The following RNF220 variants were observed in gnomAD, a reference collection of about 807,000 sequenced individuals.
RNF220 encodes the protein ring finger protein 220, also known as E3 ubiquitin-protein ligase RNF220.
In RNF220, 7 loss-of-function variants were observed where a neutral mutation model predicts 67.1. The ratio of observed to expected loss-of-function variants is 0.10; its 90% CI spans 0.06 to 0.20. RNF220 has a LOEUF of 0.20. RNF220 is among the 10% of genes least tolerant of loss of function. RNF220 has a pLI of 1.00. For synonymous variants in RNF220, 270 were observed against 283.2 expected, an observed-to-expected ratio of 0.95 and a Z score of 0.47; for missense variants, 565 against 740.3, an observed-to-expected ratio of 0.76 and a Z score of 2.75.
At chr1:44,550,637 A>C (rs1341940711) in intron 2 of RNF220, among the ~76,000 whole-genome samples, 1 of 152,136 alleles carries the variant, frequency 6.6e-6, no homozygotes, top group Admixed American at 6.5e-5. Flanking sequence ...ATACAAAATC[A>C]TGGCAGCTCA....
chr1:44,528,044 A>G (rs899860307), intron 2 of RNF220, among the ~76,000 whole-genome samples: 2 of 151,978 alleles, frequency 1.3e-5, no homozygotes, highest in African/African-American at 4.8e-5. Flanking sequence ...CTAAATTACT[A>G]TACAACAACA....
Position 44,405,333 on chromosome 1 carries a change from C to A in RNF220, c.-315C>A. On this transcript the variant is annotated 5_prime_UTR_variant, in exon 1 of 15. Transcript: ENST00000361799. ...AACTGAGTCTCTTGATCTGTACATG[C>A]AATCCCAGGCAGCTCGCGAACACAA... 1 of 561,002 alleles carries A rather than the reference C, an allele frequency of 1.8e-6. No individual in the cohort carries two copies. 34.8% of individuals were successfully genotyped at this position (561,002 alleles called of 1,614,324 possible).
At chr1:44,566,209 C>A (rs1223325581) in intron 2 of RNF220, among the ~76,000 whole-genome samples, 1 of 152,180 alleles carries the variant, frequency 6.6e-6, no homozygotes, top group East Asian at 1.9e-4. Flanking sequence ...GAGTGCAGCG[C>A]CCAGCCCAGC....
At chr1:44,485,955 G>A (rs1300580878) in intron 2 of RNF220, among the ~76,000 whole-genome samples, 2 of 152,210 alleles carry the variant, frequency 1.3e-5, no homozygotes, top group Non-Finnish European at 2.9e-5. Flanking sequence ...GTCAGGACTG[G>A]CAATGAAGAA....
intron 2 of RNF220, among the ~76,000 whole-genome samples, chr1:44,460,738 G>T (rs1042973296): frequency 5.9e-5 from 9 of 152,228 alleles, no homozygotes; most frequent in Admixed American, 2.6e-4. Context: ...CCCAGCTAAA[G>T]AGGCCGTGCT....
At chr1:44,608,375 G>T (rs1667433887) in intron 2 of RNF220, among the ~76,000 whole-genome samples, 1 of 152,222 alleles carries the variant, frequency 6.6e-6, no homozygotes, top group South Asian at 2.1e-4. Flanking sequence ...TGGGCATCCA[G>T]TAAACATCTG....
chr1:44,492,935 T>A lies in RNF220; in HGVS notation c.625+80213T>A, dbSNP rs79324604. Reference sequence around the variant, plus strand: ...CCAAAATCTGAATTTTTTTTTTTTTTTATATATGGATGAGGTCTCATTATG... The same window carrying A: ...CCAAAATCTGAATTTTTTTTTTTTTATATATATGGATGAGGTCTCATTATG... On this transcript the variant is annotated intron_variant, in intron 2 of 14. Coordinates refer to ENST00000361799, the MANE Select transcript of RNF220 (RefSeq NM_018150.4). Among the ~76,000 whole-genome samples the A allele has an allele frequency of 9.0e-3, 1,370 of 152,060 alleles. 9 individuals are homozygous for A. Among genetic ancestry groups the A allele is most frequent in the Non-Finnish European group, 0.013 (877 of 67,972 alleles).
rs902945631 is a variant in RNF220, at chr1:44,577,028, A to G, written c.626-37137A>G. Among the ~76,000 whole-genome samples the G allele has an allele frequency of 3.3e-5, 5 of 152,308 alleles. No individual in the cohort carries two copies. The East Asian group carries it at 9.6e-4, about 29-fold the overall frequency. ...ATTTGCCAAGTATATATAGAGGTAT[A>G]TCCAAGGTCTTGTTAGAACACAGAG... On this transcript the variant is annotated intron_variant, in intron 2 of 14. Transcript: ENST00000361799.
upstream of RNF220, among the ~76,000 whole-genome samples, chr1:44,404,820 A>G (rs945985302): frequency 6.6e-6 from 1 of 152,126 alleles, no homozygotes; most frequent in Non-Finnish European, 1.5e-5. Flanking sequence ...GCAGCAGGTA[A>G]GATTTTTCTG....
At chr1:44,597,468 GCACACACACACACACACACACA>G (rs56375404) in intron 2 of RNF220, among the ~76,000 whole-genome samples, 8 of 135,650 alleles carry the variant, frequency 5.9e-5, no homozygotes, top group Non-Finnish European at 1.3e-4. Context: ...TCTCTCTCAT[GCACACACACACACACACACACA>G]CACACACACA....
At chr1:44,636,267 C>G (rs778261666) in intron 8 of RNF220, 105 bp downstream of exon 8, 1 of 1,461,834 alleles carries the variant, frequency 6.8e-7, no homozygotes, top group Non-Finnish European at 9.5e-7. Flanking sequence ...GGTCATCCAT[C>G]CGTTCCACCA....
intron 2 of RNF220, among the ~76,000 whole-genome samples, chr1:44,469,867 A>G (rs1257395484): frequency 6.6e-6 from 1 of 152,246 alleles, no homozygotes; most frequent in Non-Finnish European, 1.5e-5. Context: ...AGGTTGAAAA[A>G]GACTGAAAAT....
intron 2 of RNF220, among the ~76,000 whole-genome samples, chr1:44,502,159 A>T (rs1663797): frequency 0.045 from 1,681 of 37,758 alleles, 31 homozygotes; most frequent in African/African-American, 0.097. Flanking sequence ...TCTCTCTCTC[A>T]CACACACACA....
At chr1:44,525,447 C>CA (rs1660295403) in intron 2 of RNF220, among the ~76,000 whole-genome samples, 1 of 152,218 alleles carries the variant, frequency 6.6e-6, no homozygotes. Flanking sequence ...CAAACACACA[C>CA]AAAAAATAAC....
At chr1:44,554,781 C>T (rs886885015) in intron 2 of RNF220, among the ~76,000 whole-genome samples, 1 of 152,106 alleles carries the variant, frequency 6.6e-6, no homozygotes, top group Non-Finnish European at 1.5e-5. Flanking sequence ...AACGGCCCTC[C>T]CAGCTCACCT....
intron 2 of RNF220, among the ~76,000 whole-genome samples, chr1:44,416,052 C>T (rs1470294263): frequency 6.6e-6 from 1 of 152,194 alleles, no homozygotes; most frequent in Non-Finnish European, 1.5e-5. Flanking sequence ...GGTTTGCTTG[C>T]CTGTCCATCC....
chr1:44,632,400 G>GCCCCC lies in RNF220; in HGVS notation c.949+19_949+20insCCCCC. 1.9e-6 allele frequency: 3 copies of GCCCCC among 1,607,438 alleles called. No homozygotes were observed. The highest frequency in any genetic ancestry group is 1.4e-5 in the African/African-American group (1 of 74,050). On this transcript the variant is annotated intron_variant, in intron 6 of 14. Coordinates refer to ENST00000361799, the MANE Select transcript of RNF220 (RefSeq NM_018150.4). Reference sequence around the variant, plus strand: ...CCGACTGAATGGTGAGTCCTGCCCGGCCCCTCCCTCCGCCCCACCCCCGGC... The same window carrying GCCCCC: ...CCGACTGAATGGTGAGTCCTGCCCGGCCCCCCCCCTCCCTCCGCCCCACCCCCGGC...
intron 2 of RNF220, among the ~76,000 whole-genome samples, chr1:44,504,294 G>T (rs1166207396): frequency 6.6e-6 from 1 of 152,208 alleles, no homozygotes; most frequent in Admixed American, 6.5e-5. Context: ...GCTAATGGGG[G>T]CCAATCCAGC....
At chr1:44,473,791 C>T (rs754497733) in intron 2 of RNF220, among the ~76,000 whole-genome samples, 2 of 152,074 alleles carry the variant, frequency 1.3e-5, no homozygotes, top group African/African-American at 2.4e-5. Context: ...CCTGGTTAAC[C>T]GACACTCTGT....
Sources: allele counts gnomAD v4.1 joint callset (sites outside exome capture counted in the v4.1 genomes callset), GRCh38; gene constraint gnomAD v4.1.1; transcripts MANE v1.5; gene names NCBI Gene and HGNC (gene_info 2026-07-23, HGNC 2026-07-21).